MYH15: variants seen among roughly 807,000 people sequenced by gnomAD.
The protein encoded by MYH15 is myosin heavy chain 15, also known as myosin-15.
Under a neutral mutation model 240.5 loss-of-function variants are expected in MYH15, and 227 were observed. The observed-to-expected ratio is 0.94, with a 90% CI of 0.85 to 1.05. The LOEUF (loss-of-function observed/expected upper bound fraction) is 1.05. Ranked by LOEUF, MYH15 falls within the 50% of genes least tolerant of loss-of-function variation. The pLI is 0.00. For missense variants in MYH15, 2,217 were observed against 2,247.5 expected, an observed-to-expected ratio of 0.99 and a Z score of 0.27; for synonymous variants, 785 against 796.7, an observed-to-expected ratio of 0.99 and a Z score of 0.25.
intron 36 of MYH15, among the ~76,000 whole-genome samples, chr3:108,393,304 A>G (rs1189355473): frequency 6.6e-6 from 1 of 152,156 alleles, no homozygotes; most frequent in East Asian, 1.9e-4. Context: ...CCCACTCTGC[A>G]AGCTCTGGGA....
intron 1 of MYH15, among the ~76,000 whole-genome samples, chr3:108,506,535 C>A (rs1281971847): frequency 6.6e-6 from 1 of 152,144 alleles, no homozygotes; most frequent in East Asian, 1.9e-4. Context: ...ACACCTGAGG[C>A]AGCTTCTCTT....
chr3:108,547,868 C>A, the MYH15 span, among the ~76,000 whole-genome samples: 1 of 152,100 alleles, frequency 6.6e-6, no homozygotes, highest in Non-Finnish European at 1.5e-5. Context: ...AGAGAAACAG[C>A]CTATATGCAG....
At chr3:108,486,041 C>T (rs766581576) in intron 10 of MYH15, among the ~76,000 whole-genome samples, 9 of 152,140 alleles carry the variant, frequency 5.9e-5, no homozygotes, top group Non-Finnish European at 2.9e-5. Context: ...AACGATTAAA[C>T]TGAGAAAGCA....
At chr3:108,460,658 A>T (rs2083064530) in intron 16 of MYH15, among the ~76,000 whole-genome samples, 1 of 152,176 alleles carries the variant, frequency 6.6e-6, no homozygotes, top group South Asian at 2.1e-4. Context: ...ACATCATAGG[A>T]GATTAATTTA....
At chr3:108,508,990 T>A (rs1429015134) in intron 1 of MYH15, among the ~76,000 whole-genome samples, 1 of 152,196 alleles carries the variant, frequency 6.6e-6, no homozygotes, top group Non-Finnish European at 1.5e-5. Context: ...CTTTGATACA[T>A]GAGGAAACCA....
At chr3:108,416,156 G>C (rs2082631155) in intron 29 of MYH15, among the ~76,000 whole-genome samples, 1 of 152,160 alleles carries the variant, frequency 6.6e-6, no homozygotes. Context: ...AGTATGGAGA[G>C]TTAAGGGAAT....
At chr3:108,532,166 TCTTGA>T (rs760107406), upstream of MYH15, among the ~76,000 whole-genome samples, 7 of 152,174 alleles carry the variant, frequency 4.6e-5, no homozygotes, top group Admixed American at 3.3e-4. Flanking sequence ...TAAATTTTTG[TCTTGA>T]CTTGAGTGGG....
At chr3:108,506,406 T>C (rs913841047) in intron 1 of MYH15, among the ~76,000 whole-genome samples, 4 of 152,138 alleles carry the variant, frequency 2.6e-5, no homozygotes, top group Non-Finnish European at 5.9e-5. Flanking sequence ...TCCCCCAATA[T>C]GTTATTTTTC....
chr3:108,423,537 C>T (rs989193119), intron 27 of MYH15, among the ~76,000 whole-genome samples: 1 of 152,190 alleles, frequency 6.6e-6, no homozygotes, highest in African/African-American at 2.4e-5. Flanking sequence ...TAGTAGTGAT[C>T]AATGTGACAA....
At chr3:108,454,881 T>C (rs1008677849) in intron 20 of MYH15, among the ~76,000 whole-genome samples, 1 of 152,198 alleles carries the variant, frequency 6.6e-6, no homozygotes, top group Non-Finnish European at 1.5e-5. Context: ...TTGAAATTTG[T>C]GCCTTAGGAG....
chr3:108,421,868 T>C (rs1220348605), intron 27 of MYH15, among the ~76,000 whole-genome samples: 1 of 152,210 alleles, frequency 6.6e-6, no homozygotes, highest in Non-Finnish European at 1.5e-5. Flanking sequence ...GGGTTAACAC[T>C]TCAATCCCCA....
chr3:108,430,698 C>T lies in MYH15; in HGVS notation c.3312+134G>A, dbSNP rs538016772. The T allele has an allele frequency of 5.2e-6, 3 of 576,602 alleles. No homozygotes were observed. The Admixed American group carries it at 9.7e-5, about 19-fold the overall frequency. The allele number at this position is 576,602 out of a possible 1,614,324, so 35.7% of individuals were successfully genotyped here. ...GGAATGCCACAGTTTCCCTTCTTAA[C>T]CACTGTTCTTTTCTGCCTCTGCCTG... On this transcript the variant is annotated intron_variant, in intron 26 of 40. Transcript: ENST00000693548.
At chr3:108,526,576 CCT>C (rs10576425) in intron 1 of MYH15, among the ~76,000 whole-genome samples, 2,916 of 152,222 alleles carry the variant, frequency 0.019, 102 homozygotes, top group African/African-American at 0.067. Context: ...TGTTAAGACC[CCT>C]GATAGTTACT....
chr3:108,432,676 C>T (rs778681680), intron 25 of MYH15, among the ~76,000 whole-genome samples: 4 of 152,166 alleles, frequency 2.6e-5, no homozygotes, highest in Non-Finnish European at 5.9e-5. Flanking sequence ...CCCAGCTGCT[C>T]CAGCCATGGC....
rs1365935762 is a variant in MYH15 at position 108,463,128 on chromosome 3, T to C, written c.1847A>G (p.Tyr616Cys). The change falls in exon 16 of 41, where the codon TAC (tyrosine) becomes TGC (cysteine). Residue 616 changes from tyrosine to cysteine, a missense_variant. Transcript: ENST00000693548. ...NRLLASLFENYMSTDSAIPFG... is the reference protein window; with the variant it reads ...NRLLASLFENCMSTDSAIPFG... The stretch of plus-strand genomic sequence containing the variant: ...TGACTCACCACTGTCAGTACTCATG[T>C]AATTTTCAAAAAGGCTCGCCAGGAG... The C allele has an allele frequency of 1.2e-6, 2 of 1,611,198 alleles. No homozygotes were observed. Among genetic ancestry groups the C allele is most frequent in the Non-Finnish European group, 8.5e-7 (1 of 1,179,152 alleles).
chr3:108,524,023 CGT>C (rs2107270921), intron 1 of MYH15, among the ~76,000 whole-genome samples: 2 of 151,846 alleles, frequency 1.3e-5, no homozygotes, highest in African/African-American at 4.8e-5. Flanking sequence ...CATCCTTGTA[CGT>C]GTGTCATTAC....
rs1029964169 is a variant in MYH15, at chr3:108,439,874, C to T, written c.2938G>A (p.Asp980Asn). ...GCTGCTCTGTTAAGTTTGCTGATAT[C>T]CTCATTTAGAAACTCTACTTCCTCA... is the stretch of plus-strand genomic sequence containing the variant. ...LTEEVEFLNE[D>N]ISKLNRAAKV... Residue 980 changes from aspartate (D) to asparagine (N), a missense_variant, in exon 24 of 41, where the codon GAT becomes AAT. Physicochemically the swap from Asp to Asn is conservative, Grantham distance 23. Transcript: ENST00000693548. 3.1e-6 allele frequency: 5 copies of T among 1,608,974 alleles called. No individual in the cohort carries two copies. Among genetic ancestry groups the T allele is most frequent in the Admixed American group, 1.7e-5 (1 of 58,888 alleles).
At chr3:108,422,452 G>A (rs549558605) in intron 27 of MYH15, among the ~76,000 whole-genome samples, 1 of 152,226 alleles carries the variant, frequency 6.6e-6, no homozygotes, top group East Asian at 1.9e-4. Flanking sequence ...TCCTGACCTT[G>A]TGATCCACCC....
In MYH15 at chr3:108,470,731, G is replaced by C; in HGVS notation, c.1350C>G (p.Gly450=). Residue 450 remains glycine (G), a synonymous_variant, in exon 13 of 41, where the codon GGC becomes GGG. Coordinates refer to ENST00000693548, the MANE Select transcript of MYH15 (RefSeq NM_014981.3). The part of the protein sequence containing the change: ...DAKLSRQFFI[G]ILDITGFEIL... Reference sequence around the variant, plus strand: ...TTTCAAAACCAGTGATGTCAAGAATGCCAATGAAGAACTGCCTTGACAGCT... The same window carrying C: ...TTTCAAAACCAGTGATGTCAAGAATCCCAATGAAGAACTGCCTTGACAGCT... 1 of 1,613,724 alleles carries C rather than the reference G, an allele frequency of 6.2e-7. No homozygotes were observed. Among genetic ancestry groups the C allele is most frequent in the Non-Finnish European group, 8.5e-7 (1 of 1,179,800 alleles).
Sources: gnomAD v4.1 joint callset for allele counts (sites outside exome capture counted in the v4.1 genomes callset) on GRCh38, gnomAD v4.1.1 for gene constraint, MANE v1.5 for transcripts, NCBI Gene and HGNC (gene_info 2026-07-23, HGNC 2026-07-21) for gene names.